The following CLDN10 variants were observed in gnomAD, a reference collection of about 807,000 sequenced individuals.
CLDN10 encodes claudin-10.
Under a neutral mutation model 22.9 loss-of-function variants are expected in CLDN10, and 15 were observed. The ratio of observed to expected loss-of-function variants is 0.65; its 90% confidence interval spans 0.44 to 1.01. The LOEUF (loss-of-function observed/expected upper bound fraction) is 1.01. Ranked by LOEUF, CLDN10 falls within the 50% of genes least tolerant of loss-of-function variation. The pLI is 0.00. For missense variants in CLDN10, 247 were observed against 287.8 expected (o/e 0.86, Z 1.03); for synonymous variants, 114 against 111.4 (o/e 1.02, Z -0.15).
At chr13:95,477,898 G>T (rs1451425426) in intron 1 of CLDN10, among the ~76,000 whole-genome samples, 6 of 152,192 alleles carry the variant, frequency 3.9e-5, no homozygotes. Context: ...GAGGCTTCTT[G>T]GAGGAGTCCT....
At chr13:95,571,406 T>A (rs2043858634) in intron 3 of CLDN10, among the ~76,000 whole-genome samples, 1 of 152,172 alleles carries the variant, frequency 6.6e-6, no homozygotes, top group Admixed American at 6.6e-5. Context: ...CTTAAATTTT[T>A]CCATCCTACT....
chr13:95,517,756 T>C (rs953390841), intron 1 of CLDN10, among the ~76,000 whole-genome samples: 1 of 151,832 alleles, frequency 6.6e-6, no homozygotes, highest in African/African-American at 2.4e-5. Context: ...GTCAACATGG[T>C]GAAACCCCAT....
chr13:95,501,315 A>AT (rs981874603), intron 1 of CLDN10, among the ~76,000 whole-genome samples: 17 of 151,690 alleles, frequency 1.1e-4, no homozygotes, highest in East Asian at 5.8e-4. Context: ...CATCCAGCCC[A>AT]TTTTTTTTGT....
In CLDN10 at chr13:95,505,637, T is replaced by C. The variant is rs556428549; in HGVS notation, c.215-54495T>C. On this transcript the variant is annotated intron_variant, in intron 1 of 4. Coordinates refer to the CLDN10 transcript ENST00000376873. ...CGAATCACTGCCATAACAGGTAAAA[T>C]GAACTAAGGAGGCAGTGGGCAAAGC... Among the ~76,000 whole-genome samples the C allele has an allele frequency of 3.9e-5, 6 of 151,946 alleles. No individual in the cohort carries two copies. The East Asian group carries it at 1.2e-3, about 29-fold the overall frequency.
intron 1 of CLDN10, among the ~76,000 whole-genome samples, chr13:95,466,099 C>T (rs9590278): frequency 0.45 from 68,356 of 151,086 alleles, 15,555 homozygotes; most frequent in Middle Eastern, 0.53. Context: ...TATTTATTTA[C>T]TTTACTATTA....
chr13:95,464,393 T>C (rs2042564943), intron 1 of CLDN10, among the ~76,000 whole-genome samples: 1 of 152,142 alleles, frequency 6.6e-6, no homozygotes, highest in Non-Finnish European at 1.5e-5. Flanking sequence ...AGAATGATGG[T>C]TTCCAGCTTC....
At chr13:95,434,003 G>A in exon 1 of CLDN10, 1 of 1,614,214 alleles carries the variant, frequency 6.2e-7, no homozygotes, top group Non-Finnish European at 8.5e-7. Flanking sequence ...AACGCGTTGG[G>A]TTCTTTCCAT....
intron 1 of CLDN10, among the ~76,000 whole-genome samples, chr13:95,463,612 C>T (rs899660882): frequency 2.6e-5 from 4 of 151,948 alleles, no homozygotes; most frequent in African/African-American, 9.7e-5. Context: ...GAATTACAGG[C>T]ATGAGCCACT....
At chr13:95,449,562 T>C (rs954944768) in intron 1 of CLDN10, among the ~76,000 whole-genome samples, 2 of 151,512 alleles carry the variant, frequency 1.3e-5, no homozygotes, top group Non-Finnish European at 2.9e-5. Flanking sequence ...CTCAGTTTTC[T>C]TTTTTTGTTG....
At chr13:95,563,369 T>C (rs1254860408) in intron 3 of CLDN10, among the ~76,000 whole-genome samples, 1 of 152,182 alleles carries the variant, frequency 6.6e-6, no homozygotes, top group Non-Finnish European at 1.5e-5. Flanking sequence ...TTATTAGCTC[T>C]TTTCTGCAGT....
At chr13:95,497,749 T>C (rs1447058658) in intron 1 of CLDN10, among the ~76,000 whole-genome samples, 2 of 152,292 alleles carry the variant, frequency 1.3e-5, no homozygotes, top group East Asian at 3.9e-4. Context: ...TAAAACCTGT[T>C]CAGCACTTTT....
chr13:95,572,987 A>C (rs2043881160), intron 3 of CLDN10, among the ~76,000 whole-genome samples: 1 of 152,208 alleles, frequency 6.6e-6, no homozygotes, highest in South Asian at 2.1e-4. Flanking sequence ...TACAAGTTGA[A>C]GTATGAAATG....
intron 1 of CLDN10, among the ~76,000 whole-genome samples, chr13:95,522,101 A>G (rs1414399997): frequency 1.3e-5 from 2 of 151,926 alleles, no homozygotes; most frequent in Non-Finnish European, 2.9e-5. Context: ...TAATGTCTTC[A>G]AAGAAACAAC....
chr13:95,447,555 C>T (rs1345579622), intron 1 of CLDN10, among the ~76,000 whole-genome samples: 2 of 152,212 alleles, frequency 1.3e-5, no homozygotes, highest in East Asian at 3.9e-4. Flanking sequence ...TGACCCAGTG[C>T]CTGTCCTAAA....
intron 1 of CLDN10, among the ~76,000 whole-genome samples, chr13:95,456,517 C>T (rs1017602208): frequency 6.6e-6 from 1 of 152,104 alleles, no homozygotes; most frequent in African/African-American, 2.4e-5. Flanking sequence ...CTTTGAGAGG[C>T]TGAGGCAGGA....
At chr13:95,542,200 G>A (rs755573285) in intron 1 of CLDN10, among the ~76,000 whole-genome samples, 10 of 152,270 alleles carry the variant, frequency 6.6e-5, no homozygotes, top group South Asian at 2.1e-4. Flanking sequence ...TGAACCATTC[G>A]TGAGAAATCT....
chr13:95,552,687 G>C (rs1031544546), upstream of CLDN10: 9 of 1,506,180 alleles, frequency 6.0e-6, no homozygotes, highest in African/African-American at 9.9e-5. Flanking sequence ...GGAGCCCCGG[G>C]GTTGGGAGTG....
At chr13:95,557,299 T>G (rs1467930566) in intron 1 of CLDN10, among the ~76,000 whole-genome samples, 4 of 152,204 alleles carry the variant, frequency 2.6e-5, no homozygotes, top group African/African-American at 4.8e-5. Context: ...CCTGGTGGTG[T>G]TACTTGTAAG....
intron 1 of CLDN10, among the ~76,000 whole-genome samples, chr13:95,495,328 T>C (rs2042917354): frequency 6.6e-6 from 1 of 151,124 alleles, no homozygotes; most frequent in African/African-American, 2.4e-5. Context: ...TGAGCCACCG[T>C]GCCCTGCCCC....
Sources: allele counts gnomAD v4.1 joint callset (sites outside exome capture counted in the v4.1 genomes callset), GRCh38; gene constraint gnomAD v4.1.1; transcripts MANE v1.5; gene names NCBI Gene and HGNC (gene_info 2026-07-23, HGNC 2026-07-21).